Variants in TNRC18 observed in about 807,000 individuals in gnomAD.
TNRC18 encodes trinucleotide repeat containing 18, also known as trinucleotide repeat-containing gene 18 protein.
In TNRC18, 69 loss-of-function variants were observed where a neutral mutation model predicts 226.7. That is an observed-to-expected ratio of 0.30 (90% confidence interval 0.25 to 0.37). The LOEUF (loss-of-function observed/expected upper bound fraction) is 0.37, where lower values mean the gene tolerates loss of function less well. TNRC18 is among the 10% of genes least tolerant of loss of function. The pLI is 1.00. For missense variants in TNRC18, 4,754 were observed against 4,256.6 expected, an observed-to-expected ratio of 1.12 and a Z score of -3.25; for synonymous variants, 2,449 against 1,927.6, an observed-to-expected ratio of 1.27 and a Z score of -7.09.
chr7:5,405,652 A>T (rs1241480578), intron 2 of TNRC18, among the ~76,000 whole-genome samples: 2 of 152,212 alleles, frequency 1.3e-5, no homozygotes, highest in Non-Finnish European at 2.9e-5. Flanking sequence ...TTGAGACAGG[A>T]GAATCACGTG....
Position 5,313,521 on chromosome 7 carries a change from T to C in TNRC18, c.7370A>G (p.Glu2457Gly), listed in dbSNP as rs754502560. Residue 2457 changes from glutamate (E) to glycine (G), a missense_variant, in exon 27 of 30, where the codon GAG (glutamate) becomes GGG (glycine). Glu to Gly is a moderately conservative substitution (Grantham distance 98). Transcript: ENST00000430969. ...GAKGPRRPGE[E>G]AELLVKLDHE... ...GTCCAGTTTGACAAGCAGCTCGGCC[T>C]CCTCCCCCGGCCTCCGAGGGCCCTT... 6.8e-6 allele frequency: 11 copies of C among 1,612,754 alleles called. 1 individual carries two copies. In the South Asian group the frequency reaches 1.1e-4, roughly 16 times the overall value.
intron 11 of TNRC18, among the ~76,000 whole-genome samples, chr7:5,368,642 G>C (rs1793863045): frequency 1.7e-5 from 1 of 58,478 alleles, no homozygotes; most frequent in Non-Finnish European, 3.6e-5. Context: ...TCCAGCCTGG[G>C]TGACAGAGTG....
chr7:5,345,517 G>A (rs1395025326), intron 18 of TNRC18, 45 bp downstream of exon 18: 82 of 378,256 alleles, frequency 2.2e-4, no homozygotes, highest in African/African-American at 1.5e-3. Context: ...AATGGCGTCC[G>A]CCCCTCCCAC....
intron 1 of TNRC18, 102 bp downstream of exon 1, chr7:5,423,339 C>T (rs1479861395): frequency 6.6e-6 from 1 of 152,168 alleles, no homozygotes. Context: ...CGGGGATCCC[C>T]CCCCGCGCAC....
In TNRC18 at chr7:5,362,849, G is replaced by A. The variant is rs1448836107; in HGVS notation, c.4220-24C>T. On this transcript the variant is annotated intron_variant, in intron 11 of 29. Transcript: ENST00000430969. ...ACCTGTGGACAGGAGGTAGGTAACA[G>A]GGCGCTGCTGCCACCCCTTCCCCAA... 6.1e-6 allele frequency: 9 copies of A among 1,478,294 alleles called. No individual in the cohort carries two copies. In the African/African-American group the frequency reaches 1.1e-4, roughly 18 times the overall value. 91.6% of individuals were successfully genotyped at this position (1,478,294 alleles called of 1,614,324 possible). A position where few individuals can be genotyped will look rare whatever the true frequency, so the allele number is the denominator to read the frequency against.
intron 17 of TNRC18, among the ~76,000 whole-genome samples, chr7:5,349,639 C>A (rs1288891837): frequency 6.6e-6 from 1 of 152,190 alleles, no homozygotes. Context: ...GCTCAGTGAC[C>A]CGCTGCGCCG....
chr7:5,308,000 G>A lies in TNRC18; in HGVS notation c.*106C>T, dbSNP rs1786731650. ...CCTGGCCCCATGCACACGCCTGCAG[G>A]AGCGCTCGCATGCACACAACGCACG... On this transcript the variant is annotated 3_prime_UTR_variant, in exon 30 of 30. Transcript: ENST00000430969. 6.6e-6 allele frequency: 7 copies of A among 1,065,424 alleles called. 1 individual carries two copies. The South Asian group carries it at 7.7e-5, about 12-fold the overall frequency. The allele number at this position is 1,065,424 out of a possible 1,614,324, so 66.0% of individuals were successfully genotyped here.
intron 15 of TNRC18, 64 bp downstream of exon 15, chr7:5,359,334 C>G (rs1583903941): frequency 6.3e-7 from 1 of 1,575,610 alleles, no homozygotes; most frequent in African/African-American, 1.3e-5. Flanking sequence ...AGCGTGAACT[C>G]TTAACACACC....
chr7:5,319,999 C>A (rs1221719415), intron 24 of TNRC18: 2 of 330,112 alleles, frequency 6.1e-6, no homozygotes, highest in South Asian at 2.9e-5. Context: ...TCAGTTCACA[C>A]TAGAACTTGT....
chr7:5,322,050 C>T (rs530907040), intron 21 of TNRC18, among the ~76,000 whole-genome samples: 103 of 151,988 alleles, frequency 6.8e-4, no homozygotes, highest in African/African-American at 2.4e-3. Flanking sequence ...GAGGCTGAGG[C>T]GGGCAGATCA....
chr7:5,335,835 GAAAAA>G (rs61412615), intron 18 of TNRC18, among the ~76,000 whole-genome samples: 10 of 126,814 alleles, frequency 7.9e-5, no homozygotes, highest in Non-Finnish European at 1.6e-4. Flanking sequence ...ATATTCACTG[GAAAAA>G]AAAAAAAAAA....
intron 2 of TNRC18, among the ~76,000 whole-genome samples, chr7:5,401,689 C>T (rs958670133): frequency 1.3e-5 from 2 of 152,250 alleles, no homozygotes; most frequent in Non-Finnish European, 2.9e-5. Flanking sequence ...AAAAACAAGA[C>T]GTGGGCCACA....
At chr7:5,406,557 G>A (rs538320409) in intron 2 of TNRC18, among the ~76,000 whole-genome samples, 1 of 151,200 alleles carries the variant, frequency 6.6e-6, no homozygotes, top group South Asian at 2.1e-4. Context: ...GAGACAGAAA[G>A]CAGTAAGTAG....
chr7:5,412,409 C>G (rs1781901730), intron 2 of TNRC18, among the ~76,000 whole-genome samples: 1 of 152,020 alleles, frequency 6.6e-6, no homozygotes, highest in African/African-American at 2.4e-5. Context: ...AACCCCATCT[C>G]TACTAAAAAT....
intron 17 of TNRC18, among the ~76,000 whole-genome samples, chr7:5,347,336 AC>A (rs1194218201): frequency 1.4e-5 from 2 of 147,874 alleles, no homozygotes; most frequent in African/African-American, 5.0e-5. Flanking sequence ...ACAGGCGCCC[AC>A]CACCACACCA....
At chr7:5,310,749 A>G (rs1787093196) in intron 27 of TNRC18, among the ~76,000 whole-genome samples, 1 of 152,356 alleles carries the variant, frequency 6.6e-6, no homozygotes, top group African/African-American at 2.4e-5. Context: ...ATGCTGCCTG[A>G]GACACCACTG....
chr7:5,388,433 T>C lies in TNRC18; in HGVS notation c.1391A>G (p.Glu464Gly), dbSNP rs1779988180. ...CGGGTCCGCCTCGGGCTTGAGCAGCTCCTTGGCAGGCACGTAGGCGCGGGG... is the reference window on the plus strand; with the variant it reads ...CGGGTCCGCCTCGGGCTTGAGCAGCCCCTTGGCAGGCACGTAGGCGCGGGG... ...PDPRAYVPAK[E>G]LLKPEADPRP... Residue 464 changes from glutamate to glycine, a missense_variant, in exon 5 of 30, where the codon GAG (glutamate) becomes GGG (glycine). By Grantham distance (98) the Glu-to-Gly change is moderately conservative. Coordinates refer to ENST00000430969, the MANE Select transcript of TNRC18 (RefSeq NM_001080495.3). The C allele has an allele frequency of 1.4e-6, 2 of 1,469,446 alleles. No homozygotes were observed. Among genetic ancestry groups the C allele is most frequent in the African/African-American group, 3.0e-5 (2 of 66,796 alleles). 91.0% of individuals were successfully genotyped at this position (1,469,446 alleles called of 1,614,324 possible).
chr7:5,351,952 C>T lies in TNRC18; in HGVS notation c.5337G>A (p.Lys1779=), dbSNP rs566608762. 2.5e-6 allele frequency: 4 copies of T among 1,613,788 alleles called. No homozygotes were observed. The highest frequency in any genetic ancestry group is 2.5e-6 in the Non-Finnish European group (3 of 1,179,882). The change falls in exon 17 of 30, where the codon AAG becomes AAA. Residue 1779 remains lysine (K), a synonymous_variant. Transcript: ENST00000430969. ...SKAAGGPKLT[K]RGLAAPRTLK... is the part of the protein sequence containing the mutation. ...GAGTCCGGGGGGCCGCCAGGCCCCT[C>T]TTGGTCAGCTTGGGGCCACCAGCTG...
intron 19 of TNRC18, among the ~76,000 whole-genome samples, chr7:5,327,127 A>T (rs1017818428): frequency 2.1e-4 from 32 of 152,240 alleles, no homozygotes; most frequent in African/African-American, 7.7e-4. Context: ...TGTGTCAAAA[A>T]ACAAACAAAC....
Sources: gnomAD v4.1 joint callset for allele counts (sites outside exome capture counted in the v4.1 genomes callset) on GRCh38, gnomAD v4.1.1 for gene constraint, MANE v1.5 for transcripts, NCBI Gene and HGNC (gene_info 2026-07-23, HGNC 2026-07-21) for gene names.